The following MALRD1 variants were observed in gnomAD, a reference collection of about 807,000 sequenced individuals.
MALRD1 encodes the protein MAM and LDL receptor class A domain containing 1.
A neutral mutation model predicts 242.1 loss-of-function variants in MALRD1; 247 were observed. The ratio of observed to expected loss-of-function variants is 1.02; its 90% confidence interval spans 0.92 to 1.13. The LOEUF is 1.13. Among genes scored for constraint, MALRD1 ranks in the 50% most tolerant of loss-of-function variants. The probability of loss-of-function intolerance (pLI) is 0.00; values close to 1 mark genes in which losing one functional copy is unlikely to be tolerated. For synonymous variants in MALRD1, 995 were observed against 866.6 expected, an observed-to-expected ratio of 1.15 and a Z score of -2.60; for missense variants, 2,989 against 2,533.1, an observed-to-expected ratio of 1.18 and a Z score of -3.86.
At chr10:19,200,937 G>A (rs1259925780) in intron 14 of MALRD1, among the ~76,000 whole-genome samples, 1 of 151,902 alleles carries the variant, frequency 6.6e-6, no homozygotes, top group East Asian at 1.9e-4. Context: ...TTGTGTCAAT[G>A]GGCATCCTGT....
chr10:19,289,156 T>A (rs1456887578), intron 21 of MALRD1, among the ~76,000 whole-genome samples: 1 of 152,176 alleles, frequency 6.6e-6, no homozygotes, highest in East Asian at 1.9e-4. Context: ...CTTATATCAA[T>A]AAACTACATC....
intron 7 of MALRD1, among the ~76,000 whole-genome samples, chr10:19,124,935 CTTTTTTTTT>C (rs1173453764): frequency 6.1e-4 from 32 of 52,584 alleles, no homozygotes; most frequent in African/African-American, 2.1e-3. Context: ...TATTAAAAGG[CTTTTTTTTT>C]TTTTTTTTTT....
intron 28 of MALRD1, among the ~76,000 whole-genome samples, chr10:19,420,548 A>G (rs902167339): frequency 2.0e-5 from 3 of 152,080 alleles, no homozygotes; most frequent in Admixed American, 6.6e-5. Flanking sequence ...TCATGTCTAT[A>G]TTTAACTAAT....
intron 31 of MALRD1, among the ~76,000 whole-genome samples, chr10:19,524,360 C>A (rs1340186871): frequency 6.6e-6 from 1 of 152,000 alleles, no homozygotes; most frequent in African/African-American, 2.4e-5. Flanking sequence ...GCCTGTAGTC[C>A]CAGCTACTTG....
At chr10:19,192,135 A>C (rs1328166418) in intron 14 of MALRD1, among the ~76,000 whole-genome samples, 1 of 152,186 alleles carries the variant, frequency 6.6e-6, no homozygotes, top group African/African-American at 2.4e-5. Context: ...GAATAGCCTA[A>C]ATCTTAGAGA....
intron 32 of MALRD1, among the ~76,000 whole-genome samples, chr10:19,535,283 G>A (rs952103946): frequency 2.0e-5 from 3 of 151,924 alleles, no homozygotes; most frequent in South Asian, 2.1e-4. Flanking sequence ...TCGGTCATAC[G>A]GAAACACTGT....
At chr10:19,457,841 A>G (rs1002410774) in intron 29 of MALRD1, among the ~76,000 whole-genome samples, 1 of 151,760 alleles carries the variant, frequency 6.6e-6, no homozygotes, top group Non-Finnish European at 1.5e-5. Context: ...TAGTTTAAGT[A>G]TTTTAAAACA....
At chr10:19,575,013 T>C (rs1836738102) in intron 33 of MALRD1, among the ~76,000 whole-genome samples, 1 of 152,170 alleles carries the variant, frequency 6.6e-6, no homozygotes, top group Non-Finnish European at 1.5e-5. Flanking sequence ...GAAAGACAGG[T>C]AGGAATGTAG....
chr10:19,639,231 A>G (rs1261663689), intron 36 of MALRD1, among the ~76,000 whole-genome samples: 1 of 152,186 alleles, frequency 6.6e-6, no homozygotes, highest in East Asian at 1.9e-4. Context: ...TATATCATCA[A>G]GGAAGACTCA....
At chr10:19,283,454 A>G (rs1010047984) in intron 21 of MALRD1, among the ~76,000 whole-genome samples, 8 of 152,096 alleles carry the variant, frequency 5.3e-5, no homozygotes, top group Non-Finnish European at 5.9e-5. Flanking sequence ...CTGTTAGTAT[A>G]TTGTTTTTAA....
At chr10:19,379,035 G>A (rs944717895) in intron 26 of MALRD1, among the ~76,000 whole-genome samples, 2 of 151,782 alleles carry the variant, frequency 1.3e-5, no homozygotes, top group Non-Finnish European at 2.9e-5. Flanking sequence ...TTGGTAATTT[G>A]TTTTTGAAGG....
chr10:19,602,758 GAGGAA>G, intron 34 of MALRD1, among the ~76,000 whole-genome samples: 1 of 152,122 alleles, frequency 6.6e-6, no homozygotes, highest in East Asian at 1.9e-4. Flanking sequence ...CTAGATCCTT[GAGGAA>G]TCACCACACT....
At chr10:19,663,603 C>T (rs932046696) in intron 36 of MALRD1, among the ~76,000 whole-genome samples, 7 of 151,968 alleles carry the variant, frequency 4.6e-5, no homozygotes, top group African/African-American at 1.5e-4. Context: ...GAAATTGGAG[C>T]ATGATTTTTA....
intron 21 of MALRD1, among the ~76,000 whole-genome samples, chr10:19,301,550 A>G (rs1436948324): frequency 6.6e-6 from 1 of 151,924 alleles, no homozygotes; most frequent in Admixed American, 6.6e-5. Context: ...GAATGAGATC[A>G]TGCCCTTTGC....
intron 14 of MALRD1, among the ~76,000 whole-genome samples, chr10:19,200,550 A>T (rs1836473353): frequency 6.6e-6 from 1 of 151,764 alleles, no homozygotes. Context: ...ACCTCGGTAG[A>T]ATCATACTGA....
rs1197399101 is a variant in MALRD1 at position 19,734,422 on chromosome 10, C to A, written c.*185C>A. The A allele has an allele frequency of 4.5e-6, 2 of 445,096 alleles. No homozygotes were observed. The highest frequency in any genetic ancestry group is 4.0e-5 in the African/African-American group (2 of 49,468). The allele number at this position is 445,096 out of a possible 1,614,324, so 27.6% of individuals were successfully genotyped here. The stretch of plus-strand genomic sequence containing the variant: ...GAGAATGTTTATATGGAATCAGAAT[C>A]AGTACCTTATCTTCACTGAACATCT... On this transcript the variant is annotated 3_prime_UTR_variant, in exon 40 of 40. Coordinates refer to ENST00000454679, the MANE Select transcript of MALRD1 (RefSeq NM_001142308.3).
At chr10:19,309,007 G>T (rs950829810) in intron 21 of MALRD1, among the ~76,000 whole-genome samples, 1 of 151,506 alleles carries the variant, frequency 6.6e-6, no homozygotes, top group Non-Finnish European at 1.5e-5. Flanking sequence ...TGGGTTTTGG[G>T]CTTGTATTGC....
chr10:19,434,953 G>A (rs1193183286), intron 28 of MALRD1, among the ~76,000 whole-genome samples: 1 of 151,350 alleles, frequency 6.6e-6, no homozygotes, highest in Non-Finnish European at 1.5e-5. Context: ...GGACATACCA[G>A]ACACAAAAAG....
intron 29 of MALRD1, among the ~76,000 whole-genome samples, chr10:19,462,474 T>A (rs562550168): frequency 6.6e-6 from 1 of 152,366 alleles, no homozygotes; most frequent in African/African-American, 2.4e-5. Context: ...CTGTGCAGCC[T>A]CCCTACAGTG....
Sources: allele counts gnomAD v4.1 joint callset (sites outside exome capture counted in the v4.1 genomes callset), GRCh38; gene constraint gnomAD v4.1.1; transcripts MANE v1.5; gene names NCBI Gene and HGNC (gene_info 2026-07-23, HGNC 2026-07-21).